The following ZNF536 variants were observed in gnomAD, a reference collection of about 807,000 sequenced individuals.
The protein encoded by ZNF536 is zinc finger protein 536.
In ZNF536, 13 loss-of-function variants were observed where a neutral mutation model predicts 84.5. The observed-to-expected ratio is 0.15, with a 90% confidence interval of 0.10 to 0.24. The LOEUF is 0.24. ZNF536 is among the 10% of genes least tolerant of loss of function. The pLI is 1.00. For synonymous variants in ZNF536, 811 were observed against 742.5 expected, an observed-to-expected ratio of 1.09 and a Z score of -1.50; for missense variants, 1,536 against 1,747.5, an observed-to-expected ratio of 0.88 and a Z score of 2.16.
intron 1 of ZNF536, among the ~76,000 whole-genome samples, chr19:30,252,202 C>T (rs1425588716): frequency 6.6e-6 from 1 of 152,214 alleles, no homozygotes; most frequent in Non-Finnish European, 1.5e-5. Context: ...AAATGCTCAA[C>T]ATCACTAATG....
chr19:30,339,247 G>A lies in ZNF536; in HGVS notation c.-119-13121G>A, dbSNP rs116596716. Among the ~76,000 whole-genome samples the A allele has an allele frequency of 6.4e-3, 977 of 152,244 alleles. 10 individuals are homozygous for A. Among genetic ancestry groups the A allele is most frequent in the African/African-American group, 0.022 (896 of 41,528 alleles). ...TGCCAGCCTGCCTCGGAGTCCACAG[G>A]GCCCATGGGCCAGGTGCTCTTTGGG... On this transcript the variant is annotated intron_variant, in intron 2 of 5. Transcript: ENST00000585628.
At chr19:30,470,661 C>G (rs1425226656) in intron 2 of ZNF536, among the ~76,000 whole-genome samples, 11 of 150,730 alleles carry the variant, frequency 7.3e-5, no homozygotes, top group Admixed American at 6.6e-5. Context: ...TTGAGGAGTC[C>G]TGGACGGGTA....
intron 1 of ZNF536, among the ~76,000 whole-genome samples, chr19:30,437,703 G>A (rs138280511): frequency 1.3e-5 from 2 of 152,006 alleles, no homozygotes; most frequent in Non-Finnish European, 2.9e-5. Context: ...GGTCAGGACT[G>A]GGGGGGAATG....
chr19:30,365,420 T>C (rs2048395987), intron 3 of ZNF536, among the ~76,000 whole-genome samples: 2 of 152,228 alleles, frequency 1.3e-5, no homozygotes, highest in African/African-American at 4.8e-5. Flanking sequence ...TTGTTGCCCC[T>C]GCAAGAGGCA....
rs550200108 is a variant in ZNF536 at position 30,624,082 on chromosome 19, G to A, written c.169+74568G>A. 1.2e-4 allele frequency among the ~76,000 whole-genome samples: 19 copies of A among 152,240 alleles called. 1 individual carries two copies. The South Asian group carries it at 1.5e-3, about 12-fold the overall frequency. On this transcript the variant is annotated intron_variant, in intron 1 of 1. Transcript: ENST00000592773. Reference sequence around the variant, plus strand: ...CAAAGAGGTCCAGGACTTGTCTGGCGTATTGTGGGGTGTGTGGCACTCTGG... The same window carrying A: ...CAAAGAGGTCCAGGACTTGTCTGGCATATTGTGGGGTGTGTGGCACTCTGG...
chr19:30,265,601 T>A (rs1368611391), intron 1 of ZNF536, among the ~76,000 whole-genome samples: 1 of 152,182 alleles, frequency 6.6e-6, no homozygotes, highest in Non-Finnish European at 1.5e-5. Flanking sequence ...GGGGCTGAAT[T>A]GCCTGTGGTC....
At chr19:30,646,654 AAGTGGCAATT>A (rs1367213359) in intron 1 of ZNF536, among the ~76,000 whole-genome samples, 2 of 152,162 alleles carry the variant, frequency 1.3e-5, no homozygotes, top group Admixed American at 1.3e-4. Flanking sequence ...TTAATTACTC[AAGTGGCAATT>A]AGTGGCTCTG....
intron 2 of ZNF536, among the ~76,000 whole-genome samples, chr19:30,449,328 C>T (rs753672728): frequency 5.9e-5 from 9 of 152,156 alleles, no homozygotes; most frequent in South Asian, 2.1e-4. Context: ...GTGGCTGTTT[C>T]GATGCCTCCT....
At chr19:30,570,215 C>T (rs1022164402) in intron 1 of ZNF536, among the ~76,000 whole-genome samples, 3 of 152,208 alleles carry the variant, frequency 2.0e-5, no homozygotes, top group Non-Finnish European at 2.9e-5. Flanking sequence ...ATGCAGCTCA[C>T]ACCACGGCAT....
chr19:30,402,606 G>A (rs778305776), intron 1 of ZNF536, among the ~76,000 whole-genome samples: 3 of 151,192 alleles, frequency 2.0e-5, no homozygotes, highest in South Asian at 2.1e-4. Flanking sequence ...TTTTTTCACC[G>A]GGAACCCTGT....
intron 1 of ZNF536, among the ~76,000 whole-genome samples, chr19:30,637,036 TG>T (rs1600108590): frequency 6.6e-6 from 1 of 152,332 alleles, no homozygotes; most frequent in Non-Finnish European, 1.5e-5. Flanking sequence ...TGCCTCTGGC[TG>T]GCTGCTGGCT....
At chr19:30,505,122 T>C (rs2055113844) in intron 2 of ZNF536, among the ~76,000 whole-genome samples, 1 of 151,750 alleles carries the variant, frequency 6.6e-6, no homozygotes, top group African/African-American at 2.4e-5. Context: ...TGAAGAGTAA[T>C]TTGGGAAACA....
At position 30,673,861 on chromosome 19, in the gene ZNF536, A is replaced by C. The variant is rs1279191390; in HGVS notation, c.170-36896A>C. On this transcript the variant is annotated intron_variant, in intron 1 of 1. Coordinates refer to the ZNF536 transcript ENST00000592773. ...TTATGTTAATTGAATGCTAGTGTTA[A>C]TCTAATAGAGTTTAGATTTATGTTG... 2.0e-5 allele frequency among the ~76,000 whole-genome samples: 3 copies of C among 152,182 alleles called. No individual in the cohort carries two copies. In the East Asian group the frequency reaches 5.8e-4, roughly 29 times the overall value.
chr19:30,704,529 C>T (rs1052369034), intron 1 of ZNF536, among the ~76,000 whole-genome samples: 1 of 151,912 alleles, frequency 6.6e-6, no homozygotes, highest in Admixed American at 6.6e-5. Flanking sequence ...CACCTGTAAT[C>T]CCAGCTACTT....
At chr19:30,381,861 C>A (rs1173480598) in intron 1 of ZNF536, among the ~76,000 whole-genome samples, 1 of 152,160 alleles carries the variant, frequency 6.6e-6, no homozygotes, top group African/African-American at 2.4e-5. Context: ...CATCTCTTGG[C>A]CTGTGTGTCC....
intron 2 of ZNF536, among the ~76,000 whole-genome samples, chr19:30,458,311 GT>G (rs1766631361): frequency 6.6e-6 from 1 of 151,962 alleles, no homozygotes; most frequent in Non-Finnish European, 1.5e-5. Flanking sequence ...ATCTTTCAAT[GT>G]TTCCCCCACC....
chr19:30,587,498 GCCTGGTTTTGCTT>G (rs771131564), intron 1 of ZNF536, among the ~76,000 whole-genome samples: 23 of 152,176 alleles, frequency 1.5e-4, no homozygotes, highest in Non-Finnish European at 3.4e-4. Context: ...CCCCGGGGGT[GCCTGGTTTTGCTT>G]CCTGGCCTAG....
intron 1 of ZNF536, among the ~76,000 whole-genome samples, chr19:30,384,885 G>A (rs1472447045): frequency 6.6e-6 from 1 of 152,092 alleles, no homozygotes; most frequent in South Asian, 2.1e-4. Context: ...AATTAGCCAG[G>A]CGTGGTGGCA....
chr19:30,563,884 C>T (rs1202609832), intron 1 of ZNF536, among the ~76,000 whole-genome samples: 2 of 152,170 alleles, frequency 1.3e-5, no homozygotes, highest in African/African-American at 2.4e-5. Flanking sequence ...CAAGGACAGG[C>T]TGGGGCACAC....
Sources: allele counts gnomAD v4.1 joint callset (sites outside exome capture counted in the v4.1 genomes callset), GRCh38; gene constraint gnomAD v4.1.1; transcripts MANE v1.5; gene names NCBI Gene and HGNC (gene_info 2026-07-23, HGNC 2026-07-21).